The following ARHGEF4 variants were observed in gnomAD, a reference collection of about 807,000 sequenced individuals.
The protein encoded by ARHGEF4 is APC-stimulated guanine nucleotide exchange factor 1.
Under a neutral mutation model 162.0 loss-of-function variants are expected in ARHGEF4, and 119 were observed. The ratio of observed to expected loss-of-function variants is 0.73; its 90% CI spans 0.63 to 0.86. ARHGEF4 has a LOEUF of 0.86. Among genes scored for constraint, ARHGEF4 ranks in the 40% least tolerant of loss-of-function variants. The pLI is 0.00. For missense variants in ARHGEF4, 2,488 were observed against 2,456.0 expected (o/e 1.01, Z -0.28); for synonymous variants, 1,014 against 979.9 (o/e 1.03, Z -0.65).
At position 130,979,138 on chromosome 2, in the gene ARHGEF4, G is replaced by A. The variant is rs76561146; in HGVS notation, c.3985+32503G>A. On this transcript the variant is annotated intron_variant, in intron 4 of 13. Coordinates refer to ENST00000409359, the MANE Select transcript of ARHGEF4 (RefSeq NM_001367493.1). ...TAAGACAGCCATAGTTAATGACACC[G>A]TTGACAGGAAAATTTGGTTATTTCT... Among the ~76,000 whole-genome samples the A allele has an allele frequency of 3.3e-3, 500 of 152,278 alleles. 3 individuals carry two copies. The highest frequency in any genetic ancestry group is 0.012 in the African/African-American group (480 of 41,542).
chr2:130,951,878 T>C (rs1683981019), intron 4 of ARHGEF4, among the ~76,000 whole-genome samples: 1 of 152,172 alleles, frequency 6.6e-6, no homozygotes, highest in Non-Finnish European at 1.5e-5. Flanking sequence ...ATCAATGTTA[T>C]AAAGCCAGCA....
At chr2:131,039,433 C>T (rs1222397010) in intron 6 of ARHGEF4, 1 of 1,035,074 alleles carries the variant, frequency 9.7e-7, no homozygotes, top group Admixed American at 5.2e-5. Context: ...AGTTATTAGC[C>T]CTGGAGATAG....
intron 1 of ARHGEF4, among the ~76,000 whole-genome samples, chr2:130,912,216 G>A (rs541285975): frequency 1.3e-5 from 2 of 152,344 alleles, no homozygotes; most frequent in Admixed American, 6.5e-5. Context: ...TCTCCTTGCC[G>A]TGGGAGGTAG....
Position 130,907,126 on chromosome 2 carries a change from C to G in ARHGEF4, c.40-6860C>G, listed in dbSNP as rs547146314. On this transcript the variant is annotated intron_variant, in intron 1 of 13. Coordinates refer to ENST00000409359, the MANE Select transcript of ARHGEF4 (RefSeq NM_001367493.1). ...CCGTATAAATGGATCATACAATATG[C>G]AGTCTTTTGAGTTTGGCTTCTTTCA... 3.9e-5 allele frequency among the ~76,000 whole-genome samples: 6 copies of G among 151,930 alleles called. No homozygotes were observed. In the East Asian group the frequency reaches 1.2e-3, roughly 29 times the overall value.
chr2:131,007,728 T>C (rs1452600079), intron 4 of ARHGEF4, among the ~76,000 whole-genome samples: 1 of 151,808 alleles, frequency 6.6e-6, no homozygotes, highest in Non-Finnish European at 1.5e-5. Context: ...TGTAAGCTAC[T>C]TTTTAATTTA....
chr2:130,897,358 C>G (rs1228047635), intron 1 of ARHGEF4, among the ~76,000 whole-genome samples: 3 of 152,184 alleles, frequency 2.0e-5, no homozygotes, highest in African/African-American at 7.2e-5. Context: ...GAGAGAGAAT[C>G]CATGCAACTG....
At chr2:130,877,504 C>T (rs1465721327) in intron 1 of ARHGEF4, among the ~76,000 whole-genome samples, 2 of 152,106 alleles carry the variant, frequency 1.3e-5, no homozygotes, top group Admixed American at 1.3e-4. Context: ...CTCCTGGAGC[C>T]GTGCGTGGTG....
intron 1 of ARHGEF4, among the ~76,000 whole-genome samples, chr2:130,837,196 G>T (rs1680254119): frequency 6.6e-6 from 1 of 152,134 alleles, no homozygotes; most frequent in South Asian, 2.1e-4. Flanking sequence ...CGTCTCGAGC[G>T]CGGGGAAGGA....
At chr2:130,865,843 T>C (rs1682234131) in intron 1 of ARHGEF4, among the ~76,000 whole-genome samples, 1 of 152,168 alleles carries the variant, frequency 6.6e-6, no homozygotes, top group Non-Finnish European at 1.5e-5. Flanking sequence ...GTCAGTCCTT[T>C]ACTTGAGTGT....
chr2:130,927,564 A>G (rs1229670121), intron 2 of ARHGEF4, among the ~76,000 whole-genome samples: 2 of 152,204 alleles, frequency 1.3e-5, no homozygotes, highest in Non-Finnish European at 2.9e-5. Flanking sequence ...GCATTTGTCT[A>G]AAAGTTTTCT....
chr2:130,988,501 CA>C (rs1384152427), intron 4 of ARHGEF4, among the ~76,000 whole-genome samples: 2 of 152,062 alleles, frequency 1.3e-5, no homozygotes, highest in East Asian at 1.9e-4. Context: ...GAAATTTTAC[CA>C]AAAAAATCAT....
chr2:130,913,750 G>T, intron 1 of ARHGEF4, among the ~76,000 whole-genome samples: 1 of 152,264 alleles, frequency 6.6e-6, no homozygotes, highest in African/African-American at 2.4e-5. Context: ...ATTTTTAATG[G>T]GGTTGTTTTA....
intron 5 of ARHGEF4, 44 bp from the exon 6 acceptor site, chr2:131,038,809 G>A (rs373050703): frequency 2.4e-5 from 37 of 1,554,658 alleles, no homozygotes; most frequent in Non-Finnish European, 3.1e-5. Flanking sequence ...GGAGGCCCAG[G>A]CAGCCTCCCC....
At chr2:130,929,892 C>G (rs531683659) in intron 2 of ARHGEF4, 1 of 88,560 alleles carries the variant, frequency 1.1e-5, no homozygotes, top group Non-Finnish European at 2.5e-5. Flanking sequence ...AGTATAGATA[C>G]TTTTTCATTT....
At chr2:130,874,198 T>A (rs1261276004) in intron 1 of ARHGEF4, among the ~76,000 whole-genome samples, 1 of 152,248 alleles carries the variant, frequency 6.6e-6, no homozygotes, top group African/African-American at 2.4e-5. Flanking sequence ...CTGCAGATGT[T>A]TGGTGGTTCT....
intron 4 of ARHGEF4, among the ~76,000 whole-genome samples, chr2:131,018,006 C>CA (rs1157374408): frequency 1.3e-5 from 2 of 151,626 alleles, no homozygotes; most frequent in Non-Finnish European, 2.9e-5. Context: ...GGGGAGGAAA[C>CA]AAAAAAGAAT....
intron 4 of ARHGEF4, among the ~76,000 whole-genome samples, chr2:131,017,118 A>C (rs1688815290): frequency 6.6e-6 from 1 of 152,190 alleles, no homozygotes; most frequent in Admixed American, 6.5e-5. Context: ...TTGCTGGGCC[A>C]TGTTGTTTTT....
At chr2:131,045,027 C>G (rs1691125846) in intron 12 of ARHGEF4, among the ~76,000 whole-genome samples, 1 of 152,214 alleles carries the variant, frequency 6.6e-6, no homozygotes, top group Non-Finnish European at 1.5e-5. Context: ...CCCACATTAC[C>G]CGCCACAGTG....
chr2:130,994,846 C>G (rs957381822), intron 4 of ARHGEF4, among the ~76,000 whole-genome samples: 2 of 152,174 alleles, frequency 1.3e-5, no homozygotes, highest in African/African-American at 4.8e-5. Flanking sequence ...GAAGTGGACT[C>G]TTTATAGATG....
Sources: allele counts gnomAD v4.1 joint callset (sites outside exome capture counted in the v4.1 genomes callset), GRCh38; gene constraint gnomAD v4.1.1; transcripts MANE v1.5; gene names NCBI Gene and HGNC (gene_info 2026-07-23, HGNC 2026-07-21).